The following CCDC102B variants were observed in gnomAD, a reference collection of about 807,000 sequenced individuals.
CCDC102B encodes the protein coiled-coil domain containing 102B.
CCDC102B carries 75 observed loss-of-function variants against 57.4 expected under a neutral mutation model. The ratio of observed to expected loss-of-function variants is 1.31; its 90% CI spans 1.08 to 1.58. CCDC102B has a LOEUF of 1.58. Among genes scored for constraint, CCDC102B ranks in the 40% most tolerant of loss-of-function variants. The probability of loss-of-function intolerance (pLI) is 0.00; values close to 1 mark genes in which losing one functional copy is unlikely to be tolerated. For missense variants in CCDC102B, 636 were observed against 582.6 expected, an observed-to-expected ratio of 1.09 and a Z score of -0.94; for synonymous variants, 206 against 201.9, an observed-to-expected ratio of 1.02 and a Z score of -0.17.
chr18:68,978,398 C>T (rs751820882), intron 6 of CCDC102B, among the ~76,000 whole-genome samples: 2 of 151,860 alleles, frequency 1.3e-5, no homozygotes, highest in African/African-American at 2.4e-5. Flanking sequence ...TATAATAGTA[C>T]CTCTAATCCA....
chr18:68,903,043 C>T (rs907611961), intron 6 of CCDC102B, among the ~76,000 whole-genome samples: 10 of 152,120 alleles, frequency 6.6e-5, no homozygotes, highest in East Asian at 1.9e-4. Context: ...TTGTGTGCAT[C>T]GTCGTACTAA....
chr18:68,852,137 TC>T (rs5825878), intron 4 of CCDC102B, among the ~76,000 whole-genome samples: 49,890 of 151,872 alleles, frequency 0.33, 9,453 homozygotes, highest in East Asian at 0.66. Context: ...CACTTCCCTC[TC>T]CCCCACTATG....
chr18:68,890,168 A>T (rs1308765141), intron 5 of CCDC102B, among the ~76,000 whole-genome samples: 4 of 151,750 alleles, frequency 2.6e-5, no homozygotes, highest in South Asian at 4.2e-4. Flanking sequence ...TTTTTTTTTT[A>T]AACCTGGCTT....
chr18:69,057,851 T>C (rs182209630), downstream of CCDC102B, among the ~76,000 whole-genome samples: 1 of 152,126 alleles, frequency 6.6e-6, no homozygotes, highest in Admixed American at 6.6e-5. Context: ...TTTCCCCAGC[T>C]TTTCTTTTAG....
intron 2 of CCDC102B, among the ~76,000 whole-genome samples, chr18:68,785,647 T>C (rs984420421): frequency 6.7e-6 from 1 of 149,622 alleles, no homozygotes; most frequent in Non-Finnish European, 1.5e-5. Flanking sequence ...TGTCTGTTCA[T>C]GTCCTTCGCC....
intron 5 of CCDC102B, among the ~76,000 whole-genome samples, chr18:68,888,478 C>T (rs535492049): frequency 1.3e-5 from 2 of 152,240 alleles, no homozygotes; most frequent in South Asian, 2.1e-4. Flanking sequence ...GATTTTCTCC[C>T]GCTATTGACA....
intron 6 of CCDC102B, among the ~76,000 whole-genome samples, chr18:68,972,008 C>T (rs1161778044): frequency 2.6e-5 from 4 of 152,092 alleles, no homozygotes; most frequent in African/African-American, 9.7e-5. Context: ...TGCCTAGTAT[C>T]TCAGCCAAGG....
At chr18:68,719,751 A>G (rs911824291) in intron 2 of CCDC102B, among the ~76,000 whole-genome samples, 2 of 152,228 alleles carry the variant, frequency 1.3e-5, no homozygotes, top group African/African-American at 2.4e-5. Context: ...AAGTTGAAAC[A>G]TAACATTAAC....
intron 6 of CCDC102B, among the ~76,000 whole-genome samples, chr18:68,989,217 A>AT (rs1046115255): frequency 1.3e-5 from 2 of 152,156 alleles, no homozygotes; most frequent in Non-Finnish European, 2.9e-5. Context: ...TCTTCTCTAC[A>AT]TTTTTTGTCA....
chr18:69,026,563 G>A (rs1389280689), intron 7 of CCDC102B, among the ~76,000 whole-genome samples: 1 of 151,658 alleles, frequency 6.6e-6, no homozygotes, highest in African/African-American at 2.4e-5. Context: ...GGCACACAGA[G>A]AGAGGATCAA....
At chr18:68,857,114 AATATATTT>A (rs1233987544) in intron 4 of CCDC102B, among the ~76,000 whole-genome samples, 5 of 59,574 alleles carry the variant, frequency 8.4e-5, no homozygotes, top group Non-Finnish European at 1.2e-4. Flanking sequence ...ATTATATATA[AATATATTT>A]ATATATTTTT....
intron 7 of CCDC102B, among the ~76,000 whole-genome samples, chr18:69,043,933 G>A (rs2052495143): frequency 1.3e-5 from 2 of 152,008 alleles, no homozygotes; most frequent in Non-Finnish European, 2.9e-5. Context: ...GAAATAAATT[G>A]CATGAGAACT....
At chr18:68,716,064 C>T (rs186950818) in intron 1 of CCDC102B, among the ~76,000 whole-genome samples, 30 of 152,208 alleles carry the variant, frequency 2.0e-4, no homozygotes, top group African/African-American at 7.0e-4. Context: ...AGCATGGTAT[C>T]CAGCGCAAGC....
Position 68,975,850 on chromosome 18 carries a change from TA to T in CCDC102B, c.1264-35070del, listed in dbSNP as rs750348084. 7.6e-3 allele frequency among the ~76,000 whole-genome samples: 1,057 copies of T among 139,782 alleles called. 2 individuals carry two copies. Among genetic ancestry groups the T allele is most frequent in the East Asian group, 0.017 (80 of 4,844 alleles). The allele number at this position is 139,782 out of a possible 152,430, so 91.7% of individuals were successfully genotyped here. On this transcript the variant is annotated intron_variant, in intron 6 of 7. Transcript: ENST00000360242. ...ACACCCCAGTAGTGCCACTTTCATT[TA>T]AAAAAAAAAAAAAGCGTCTACCTGA...
chr18:68,917,057 C>T (rs72634403), intron 6 of CCDC102B, among the ~76,000 whole-genome samples: 18,162 of 152,204 alleles, frequency 0.12, 1,436 homozygotes, highest in South Asian at 0.26. Flanking sequence ...TGCCTGGAAT[C>T]AGAGCTCCAG....
intron 6 of CCDC102B, chr18:68,908,128 A>G (rs2040710784): frequency 6.6e-6 from 1 of 152,150 alleles, no homozygotes; most frequent in Non-Finnish European, 1.5e-5. Context: ...TTCTAGAATA[A>G]ACCCCATTTG....
At position 68,890,802 on chromosome 18, in the gene CCDC102B, C is replaced by T. The variant is rs142432956; in HGVS notation, c.1054-6417C>T. 5.9e-4 allele frequency among the ~76,000 whole-genome samples: 90 copies of T among 152,178 alleles called. 1 individual carries two copies. The Middle Eastern group carries it at 0.014, about 23-fold the overall frequency. On this transcript the variant is annotated intron_variant, in intron 5 of 7. Coordinates refer to ENST00000360242, the MANE Select transcript of CCDC102B (RefSeq NM_024781.3). ...TAGTTTTTTATCTTTTATGTAGTAA[C>T]AATAGACTACTACTCCTTTGTATGA...
At chr18:68,962,290 C>T (rs2145232042) in intron 6 of CCDC102B, among the ~76,000 whole-genome samples, 2 of 152,136 alleles carry the variant, frequency 1.3e-5, no homozygotes, top group South Asian at 4.1e-4. Context: ...CCTTACAAAC[C>T]TATATTTTGA....
At chr18:68,880,069 G>A (rs1234537609) in intron 5 of CCDC102B, among the ~76,000 whole-genome samples, 1 of 152,182 alleles carries the variant, frequency 6.6e-6, no homozygotes, top group Non-Finnish European at 1.5e-5. Flanking sequence ...GGGGAGGCTT[G>A]GGCCCCACGG....
Sources: gnomAD v4.1 joint callset for allele counts (sites outside exome capture counted in the v4.1 genomes callset) on GRCh38, gnomAD v4.1.1 for gene constraint, MANE v1.5 for transcripts, NCBI Gene and HGNC (gene_info 2026-07-23, HGNC 2026-07-21) for gene names.